The following FCHSD2 variants were observed in gnomAD, a reference collection of about 807,000 sequenced individuals.
FCHSD2 encodes F-BAR and double SH3 domains protein 2.
Under a neutral mutation model 108.1 loss-of-function variants are expected in FCHSD2, and 38 were observed. The ratio of observed to expected loss-of-function variants is 0.35; its 90% confidence interval spans 0.27 to 0.46. The LOEUF is 0.46. Among genes scored for constraint, FCHSD2 ranks in the 20% least tolerant of loss-of-function variants. FCHSD2 has a pLI of 1.00. For synonymous variants in FCHSD2, 279 were observed against 314.7 expected, an observed-to-expected ratio of 0.89 and a Z score of 1.20; for missense variants, 751 against 897.8, an observed-to-expected ratio of 0.84 and a Z score of 2.09.
At chr11:72,917,191 G>C (rs559475396) in intron 9 of FCHSD2, among the ~76,000 whole-genome samples, 2 of 152,116 alleles carry the variant, frequency 1.3e-5, no homozygotes, top group East Asian at 3.9e-4. Context: ...CACCATATTG[G>C]CCAGGCTGGT....
At chr11:73,086,142 T>A (rs1859809321) in intron 2 of FCHSD2, among the ~76,000 whole-genome samples, 1 of 152,242 alleles carries the variant, frequency 6.6e-6, no homozygotes, top group Non-Finnish European at 1.5e-5. Flanking sequence ...GCTCAGTGGC[T>A]CACGCCTGTA....
intron 2 of FCHSD2, among the ~76,000 whole-genome samples, chr11:73,122,452 C>CA (rs957752959): frequency 6.6e-6 from 1 of 152,144 alleles, no homozygotes; most frequent in Non-Finnish European, 1.5e-5. Context: ...CTATCCTGCA[C>CA]AAAGGTAACA....
At chr11:73,083,637 G>A in intron 3 of FCHSD2, 58 bp downstream of exon 3, 1 of 1,065,916 alleles carries the variant, frequency 9.4e-7, no homozygotes. Context: ...AACCATCTCT[G>A]TCCTTAAGCC....
In FCHSD2 at chr11:72,849,878, A is replaced by G. The variant is rs771979956; in HGVS notation, c.1320T>C (p.Asp440=). The change falls in exon 14 of 20, where the codon GAT becomes GAC. Residue 440 remains aspartate, a synonymous_variant. Coordinates refer to ENST00000409418, the MANE Select transcript of FCHSD2 (RefSeq NM_014824.3). ...ACTCTTCGCCTTCTTCTCTTTCGGT[A>G]TCTGCATTAAGCTAAGAAAAATTAG... ...SNGTLHSLNA[D]TEREEGEEFE... is the part of the protein sequence containing the mutation. The G allele has an allele frequency of 1.9e-6, 3 of 1,613,498 alleles. No individual in the cohort carries two copies. The Admixed American group carries it at 5.0e-5, about 27-fold the overall frequency.
chr11:73,045,334 T>C (rs1565383079), intron 3 of FCHSD2, among the ~76,000 whole-genome samples: 1 of 149,566 alleles, frequency 6.7e-6, no homozygotes, highest in Non-Finnish European at 1.5e-5. Context: ...TGTAAACTAG[T>C]TCAACCATTG....
At chr11:72,895,006 A>G (rs933161627) in intron 10 of FCHSD2, among the ~76,000 whole-genome samples, 4 of 152,190 alleles carry the variant, frequency 2.6e-5, no homozygotes, top group East Asian at 1.9e-4. Flanking sequence ...GAGACTGTAG[A>G]CTTTTAAGTC....
intron 5 of FCHSD2, among the ~76,000 whole-genome samples, chr11:72,990,420 C>A (rs568905202): frequency 3.3e-5 from 5 of 152,182 alleles, no homozygotes; most frequent in African/African-American, 1.2e-4. Flanking sequence ...CAGCACCACA[C>A]TGCACTTATT....
chr11:72,888,792 T>C (rs1855253219), intron 11 of FCHSD2, among the ~76,000 whole-genome samples: 1 of 152,076 alleles, frequency 6.6e-6, no homozygotes, highest in African/African-American at 2.4e-5. Context: ...GACTAATTTT[T>C]GAATTTTTTG....
intron 3 of FCHSD2, among the ~76,000 whole-genome samples, chr11:73,022,572 G>C (rs1858134382): frequency 6.6e-6 from 1 of 152,130 alleles, no homozygotes; most frequent in Non-Finnish European, 1.5e-5. Flanking sequence ...TAATACTAAT[G>C]AAAGAAAGAA....
intron 13 of FCHSD2, among the ~76,000 whole-genome samples, chr11:72,864,162 G>A (rs1854663640): frequency 6.6e-6 from 1 of 152,220 alleles, no homozygotes. Context: ...GGGGAAAGTG[G>A]CTGAAAACGG....
At chr11:73,115,258 T>C (rs1000153151) in intron 2 of FCHSD2, among the ~76,000 whole-genome samples, 4 of 152,140 alleles carry the variant, frequency 2.6e-5, no homozygotes, top group South Asian at 2.1e-4. Context: ...CTCCCTGACA[T>C]GCAGAATCTC....
intron 8 of FCHSD2, chr11:72,940,706 G>T: frequency 9.9e-7 from 1 of 1,006,890 alleles, no homozygotes. Context: ...CACCGTGGTG[G>T]CAGAAAACGC....
At chr11:73,042,258 G>C (rs1207645466) in intron 3 of FCHSD2, among the ~76,000 whole-genome samples, 1 of 152,048 alleles carries the variant, frequency 6.6e-6, no homozygotes, top group Non-Finnish European at 1.5e-5. Flanking sequence ...AAAGACAGGG[G>C]TCATTCTTCC....
intron 10 of FCHSD2, among the ~76,000 whole-genome samples, chr11:72,890,146 G>C (rs1452132438): frequency 6.6e-6 from 1 of 152,116 alleles, no homozygotes; most frequent in Non-Finnish European, 1.5e-5. Context: ...AAGACCATAA[G>C]CTTTTTGTCT....
intron 8 of FCHSD2, among the ~76,000 whole-genome samples, chr11:72,933,540 A>C (rs958933219): frequency 6.6e-6 from 1 of 152,188 alleles, no homozygotes; most frequent in Non-Finnish European, 1.5e-5. Context: ...TGTTATTTGC[A>C]ATCAAAAGAC....
chr11:72,906,182 T>C (rs1313253691), intron 9 of FCHSD2, among the ~76,000 whole-genome samples: 2 of 152,236 alleles, frequency 1.3e-5, no homozygotes, highest in Non-Finnish European at 1.5e-5. Context: ...TGATGACCAG[T>C]GATGATGAGC....
At chr11:73,128,791 A>T (rs1468554097) in intron 2 of FCHSD2, among the ~76,000 whole-genome samples, 1 of 152,200 alleles carries the variant, frequency 6.6e-6, no homozygotes, top group Admixed American at 6.5e-5. Context: ...GCATCACTGG[A>T]GCAGTTTATC....
intron 3 of FCHSD2, among the ~76,000 whole-genome samples, chr11:73,049,718 G>GA (rs1001589366): frequency 3.7e-4 from 56 of 150,834 alleles, no homozygotes; most frequent in African/African-American, 1.3e-3. Context: ...GGGGGAAAGA[G>GA]AGACACCTGA....
At chr11:72,967,391 A>G (rs908122126) in intron 8 of FCHSD2, among the ~76,000 whole-genome samples, 1 of 152,132 alleles carries the variant, frequency 6.6e-6, no homozygotes, top group African/African-American at 2.4e-5. Context: ...TAAACAAAAT[A>G]TGGTATATCC....
Sources: gnomAD v4.1 joint callset for allele counts (sites outside exome capture counted in the v4.1 genomes callset) on GRCh38, gnomAD v4.1.1 for gene constraint, MANE v1.5 for transcripts, NCBI Gene and HGNC (gene_info 2026-07-23, HGNC 2026-07-21) for gene names.